Variants in ASXL1 observed in about 807,000 individuals in gnomAD.
ASXL1 encodes the protein ASXL transcriptional regulator 1, also known as polycomb group protein ASXL1.
Under a neutral mutation model 89.1 loss-of-function variants are expected in ASXL1, and 65 were observed. The ratio of observed to expected loss-of-function variants is 0.73; its 90% CI spans 0.60 to 0.90. The LOEUF is 0.90. Among genes scored for constraint, ASXL1 ranks in the 40% least tolerant of loss-of-function variants. The probability of loss-of-function intolerance (pLI) is 0.00; values close to 1 mark genes in which losing one functional copy is unlikely to be tolerated. For synonymous variants in ASXL1, 739 were observed against 746.9 expected (o/e 0.99, Z 0.17); for missense variants, 1,786 against 1,942.9 (o/e 0.92, Z 1.52).
At chr20:32,373,538 G>A (rs4911223) in intron 4 of ASXL1, among the ~76,000 whole-genome samples, 53,652 of 151,958 alleles carry the variant, frequency 0.35, 10,543 homozygotes, top group East Asian at 0.74. Flanking sequence ...AGCAATATAC[G>A]TAAATGCAAC....
chr20:32,430,810 T>G (rs941587019), intron 8 of ASXL1: 1 of 331,850 alleles, frequency 3.0e-6, no homozygotes, highest in Non-Finnish European at 5.7e-6. Context: ...CAGATAAAAG[T>G]AACATTTGCT....
At chr20:32,387,078 A>G (rs147486778) in intron 4 of ASXL1, among the ~76,000 whole-genome samples, 12 of 152,056 alleles carry the variant, frequency 7.9e-5, no homozygotes, top group African/African-American at 2.9e-4. Flanking sequence ...GGTGGGAGGA[A>G]CACTTGAGGT....
intron 4 of ASXL1, among the ~76,000 whole-genome samples, chr20:32,402,559 T>A (rs2048893152): frequency 6.6e-6 from 1 of 152,272 alleles, no homozygotes; most frequent in Non-Finnish European, 1.5e-5. Context: ...GTGGTGGTAG[T>A]TTTTCATTCC....
At chr20:32,397,880 G>C (rs2048797701) in intron 4 of ASXL1, among the ~76,000 whole-genome samples, 1 of 152,232 alleles carries the variant, frequency 6.6e-6, no homozygotes, top group Non-Finnish European at 1.5e-5. Flanking sequence ...GCTCACGCCT[G>C]TAATGTCTTT....
intron 4 of ASXL1, among the ~76,000 whole-genome samples, chr20:32,423,563 G>T (rs6058689): frequency 0.79 from 120,260 of 151,340 alleles, 48,090 homozygotes; most frequent in South Asian, 0.92. Context: ...ATTTATTTAT[G>T]TATTTGAGAT....
chr20:32,373,478 T>G (rs2048332508), intron 4 of ASXL1, among the ~76,000 whole-genome samples: 1 of 152,202 alleles, frequency 6.6e-6, no homozygotes, highest in South Asian at 2.1e-4. Context: ...TTGGTAAATT[T>G]TAGCTTGGTT....
At chr20:32,360,194 T>C (rs926726046) in intron 1 of ASXL1, 3 of 192,034 alleles carry the variant, frequency 1.6e-5, no homozygotes, top group Admixed American at 5.4e-5. Context: ...AGAATTTTCA[T>C]TGGTGCTTGC....
chr20:32,406,759 G>T (rs890960103), intron 4 of ASXL1, among the ~76,000 whole-genome samples: 1 of 151,972 alleles, frequency 6.6e-6, no homozygotes, highest in Non-Finnish European at 1.5e-5. Flanking sequence ...TTCTCAACCC[G>T]CGTGGGCTTC....
chr20:32,437,479 T>TA lies in ASXL1; in HGVS notation c.*144dup. Reference sequence around the variant, plus strand: ...TGCCTTCCCCCAAAATTTACACTGCTAAAGCCCTCTGTCACTTGGCGACCC... The same window carrying TA: ...TGCCTTCCCCCAAAATTTACACTGCTAAAAGCCCTCTGTCACTTGGCGACCC... On this transcript the variant is annotated 3_prime_UTR_variant, in exon 13 of 13. Coordinates refer to ENST00000375687, the MANE Select transcript of ASXL1 (RefSeq NM_015338.6). The TA allele has an allele frequency of 7.6e-7, 1 of 1,314,378 alleles. No individual in the cohort carries two copies. Among genetic ancestry groups the TA allele is most frequent in the Non-Finnish European group, 1.1e-6 (1 of 936,562 alleles). The allele number at this position is 1,314,378 out of a possible 1,614,324, so 81.4% of individuals were successfully genotyped here.
chr20:32,365,916 G>T (rs2048196494), intron 1 of ASXL1, among the ~76,000 whole-genome samples: 3 of 152,130 alleles, frequency 2.0e-5, no homozygotes, highest in Admixed American at 2.0e-4. Flanking sequence ...GCTGAGGCGG[G>T]CAGATCACCT....
chr20:32,425,862 G>A (rs946980163), intron 4 of ASXL1, among the ~76,000 whole-genome samples: 4 of 152,092 alleles, frequency 2.6e-5, no homozygotes, highest in South Asian at 2.1e-4. Context: ...GCGCCACCAC[G>A]CCCAGCTAAT....
At chr20:32,360,053 CA>C in intron 1 of ASXL1, 1 of 430,900 alleles carries the variant, frequency 2.3e-6, no homozygotes, top group Non-Finnish European at 4.2e-6. Context: ...TTTTCTGCTT[CA>C]AAGGTGTTGT....
intron 1 of ASXL1, chr20:32,359,056 C>T (rs2048064085): frequency 1.6e-6 from 1 of 609,970 alleles, no homozygotes; most frequent in South Asian, 2.0e-5. Flanking sequence ...CCCCCCGCCC[C>T]GCGCAGCTAA....
rs1289101088 is a variant in ASXL1, at chr20:32,397,204, C to T, written c.252+28081C>T. 2.8e-5 allele frequency among the ~76,000 whole-genome samples: 3 copies of T among 106,530 alleles called. No homozygotes were observed. In the East Asian group the frequency reaches 1.2e-3, roughly 44 times the overall value. 69.9% of individuals were successfully genotyped at this position (106,530 alleles called of 152,430 possible). ...GGATTAAAGGGGTAAGCCCCCATGC[C>T]TGGCCTTTTTTTTTTTTTTTTTGTG... On this transcript the variant is annotated intron_variant, in intron 4 of 12. Transcript: ENST00000375687.
intron 4 of ASXL1, among the ~76,000 whole-genome samples, chr20:32,372,931 A>G (rs2048323095): frequency 6.9e-6 from 1 of 145,072 alleles, no homozygotes; most frequent in African/African-American, 2.6e-5. Flanking sequence ...AATACTGTTT[A>G]TGATTTTCTT....
At chr20:32,360,049 G>T in intron 1 of ASXL1, 1 of 498,014 alleles carries the variant, frequency 2.0e-6, no homozygotes, top group Middle Eastern at 5.4e-4. Context: ...TGAGTTTTCT[G>T]CTTCAAAGGT....
At chr20:32,389,570 C>T (rs1437312444) in intron 4 of ASXL1, among the ~76,000 whole-genome samples, 3 of 151,990 alleles carry the variant, frequency 2.0e-5, no homozygotes, top group African/African-American at 7.3e-5. Context: ...GTAAAATTTA[C>T]CACCGCCCCC....
chr20:32,362,529 G>C (rs185885597), intron 1 of ASXL1, among the ~76,000 whole-genome samples: 1 of 152,164 alleles, frequency 6.6e-6, no homozygotes, highest in Non-Finnish European at 1.5e-5. Flanking sequence ...CCAGCTACTC[G>C]GGAGGCTGAG....
At chr20:32,390,312 C>T (rs1048752860) in intron 4 of ASXL1, among the ~76,000 whole-genome samples, 1 of 152,092 alleles carries the variant, frequency 6.6e-6, no homozygotes, top group Non-Finnish European at 1.5e-5. Flanking sequence ...CATATACCAT[C>T]GTAAACTCAA....
Sources: gnomAD v4.1 joint callset for allele counts (sites outside exome capture counted in the v4.1 genomes callset) on GRCh38, gnomAD v4.1.1 for gene constraint, MANE v1.5 for transcripts, NCBI Gene and HGNC (gene_info 2026-07-23, HGNC 2026-07-21) for gene names.